Variants in LCORL observed in about 807,000 individuals in gnomAD.
LCORL encodes ligand dependent nuclear receptor corepressor like.
LCORL carries 41 observed loss-of-function variants against 141.8 expected under a neutral mutation model. That is an observed-to-expected ratio of 0.29 (90% CI 0.23 to 0.38). The LOEUF (loss-of-function observed/expected upper bound fraction) is 0.38. Among genes scored for constraint, LCORL ranks in the 10% least tolerant of loss-of-function variants. The pLI is 1.00. For missense variants in LCORL, 1,759 were observed against 2,035.0 expected (o/e 0.86, Z 2.61); for synonymous variants, 618 against 694.1 (o/e 0.89, Z 1.72).
At chr4:17,859,640 A>G (rs963503967) in intron 7 of LCORL, among the ~76,000 whole-genome samples, 7 of 152,218 alleles carry the variant, frequency 4.6e-5, no homozygotes, top group African/African-American at 1.2e-4. Context: ...TCTCTGAATG[A>G]TAACTGTGTA....
intron 2 of LCORL, among the ~76,000 whole-genome samples, chr4:17,971,800 A>T (rs945762682): frequency 6.6e-6 from 1 of 151,722 alleles, no homozygotes; most frequent in Non-Finnish European, 1.5e-5. Flanking sequence ...AAAAATTTAT[A>T]AGCAGTATGT....
chr4:17,914,773 T>C (rs998660916), intron 4 of LCORL, among the ~76,000 whole-genome samples: 1 of 152,200 alleles, frequency 6.6e-6, no homozygotes, highest in African/African-American at 2.4e-5. Flanking sequence ...TACTGCCCCC[T>C]ATCAGACAAG....
chr4:17,990,243 C>T (rs1017455066), intron 1 of LCORL, among the ~76,000 whole-genome samples: 4 of 151,864 alleles, frequency 2.6e-5, no homozygotes, highest in African/African-American at 4.8e-5. Flanking sequence ...GGACTACAGG[C>T]GCCCACCACC....
intron 1 of LCORL, among the ~76,000 whole-genome samples, chr4:17,987,039 A>G (rs1398524453): frequency 2.6e-5 from 4 of 152,134 alleles, no homozygotes; most frequent in Non-Finnish European, 4.4e-5. Context: ...TGTGAATACG[A>G]GTGTGCATTT....
intron 2 of LCORL, among the ~76,000 whole-genome samples, chr4:17,968,193 C>T (rs574742871): frequency 1.1e-4 from 16 of 152,188 alleles, no homozygotes; most frequent in Middle Eastern, 3.4e-3. Flanking sequence ...TACTTTTTAA[C>T]GACATTACTT....
intron 1 of LCORL, among the ~76,000 whole-genome samples, chr4:17,998,444 T>A (rs910148012): frequency 4.6e-5 from 7 of 152,136 alleles, no homozygotes; most frequent in Admixed American, 1.3e-4. Context: ...AACTTTTTTT[T>A]AAAACTTTTT....
intron 4 of LCORL, among the ~76,000 whole-genome samples, chr4:17,916,643 CTTT>C (rs1057287592): frequency 1.1e-4 from 13 of 113,114 alleles, no homozygotes; most frequent in African/African-American, 1.7e-4. Flanking sequence ...AATTAAATGT[CTTT>C]TTTTTTTTTT....
At chr4:17,961,740 T>C (rs981471021) in intron 4 of LCORL, among the ~76,000 whole-genome samples, 163 bp downstream of exon 4, 52 of 152,004 alleles carry the variant, frequency 3.4e-4, no homozygotes, top group Non-Finnish European at 6.9e-4. Flanking sequence ...ACTAGAATGA[T>C]TGAGACTCCT....
intron 7 of LCORL, among the ~76,000 whole-genome samples, chr4:17,851,290 A>T (rs917779772): frequency 2.0e-5 from 3 of 152,116 alleles, no homozygotes; most frequent in African/African-American, 7.2e-5. Flanking sequence ...ATAAAAAAAA[A>T]ATCAGTGAAA....
chr4:17,977,138 A>G (rs1226945784), intron 1 of LCORL, among the ~76,000 whole-genome samples: 5 of 152,070 alleles, frequency 3.3e-5, no homozygotes, highest in African/African-American at 1.2e-4. Flanking sequence ...CTTTCTCTGT[A>G]TTGTTGCTGG....
intron 7 of LCORL, among the ~76,000 whole-genome samples, chr4:17,849,653 A>G (rs1234280071): frequency 6.6e-6 from 1 of 152,228 alleles, no homozygotes; most frequent in Non-Finnish European, 1.5e-5. Flanking sequence ...CCTCACCAGC[A>G]ATGGAACAAA....
intron 1 of LCORL, among the ~76,000 whole-genome samples, chr4:18,005,003 C>T (rs1722562046): frequency 6.6e-6 from 1 of 151,998 alleles, no homozygotes; most frequent in Non-Finnish European, 1.5e-5. Context: ...CTGCAACCTC[C>T]ACCTCCTGGG....
chr4:17,927,130 G>C (rs184598879), intron 4 of LCORL, among the ~76,000 whole-genome samples: 8 of 152,310 alleles, frequency 5.3e-5, no homozygotes, highest in Middle Eastern at 3.4e-3. Context: ...TTCCGTATCA[G>C]CACTTGCTGC....
chr4:17,891,258 T>A (rs1476789426), intron 5 of LCORL, among the ~76,000 whole-genome samples: 2 of 151,988 alleles, frequency 1.3e-5, no homozygotes, highest in Admixed American at 1.3e-4. Flanking sequence ...GAAAGAGAAA[T>A]CAACTACTTG....
chr4:18,009,007 A>T (rs901123158), intron 1 of LCORL, among the ~76,000 whole-genome samples: 1 of 152,112 alleles, frequency 6.6e-6, no homozygotes, highest in African/African-American at 2.4e-5. Flanking sequence ...TCACAAAAAC[A>T]ACCATTAAAA....
intron 4 of LCORL, among the ~76,000 whole-genome samples, chr4:17,917,208 GT>G (rs1273158212): frequency 2.7e-5 from 4 of 148,656 alleles, no homozygotes; most frequent in Admixed American, 6.7e-5. Context: ...GTTTTGTTTT[GT>G]TTTTTTTTGA....
intron 5 of LCORL, among the ~76,000 whole-genome samples, chr4:17,887,285 G>A (rs1728401661): frequency 6.6e-6 from 1 of 151,974 alleles, no homozygotes; most frequent in Non-Finnish European, 1.5e-5. Flanking sequence ...AGGATCTAAT[G>A]AGATAATTCA....
At chr4:18,011,583 T>C (rs544012192) in intron 1 of LCORL, among the ~76,000 whole-genome samples, 1 of 152,326 alleles carries the variant, frequency 6.6e-6, no homozygotes, top group African/African-American at 2.4e-5. Context: ...TATACTTAAA[T>C]ATATTTGCTT....
intron 6 of LCORL, among the ~76,000 whole-genome samples, chr4:17,878,844 C>G (rs1727198683): frequency 6.6e-6 from 1 of 151,102 alleles, no homozygotes; most frequent in Non-Finnish European, 1.5e-5. Context: ...CATTACTTAC[C>G]TAATTATTAA....
Sources: gnomAD v4.1 joint callset for allele counts (sites outside exome capture counted in the v4.1 genomes callset) on GRCh38, gnomAD v4.1.1 for gene constraint, MANE v1.5 for transcripts, NCBI Gene and HGNC (gene_info 2026-07-23, HGNC 2026-07-21) for gene names.